The following OLA1 variants were observed in gnomAD, a reference collection of about 807,000 sequenced individuals.
The protein encoded by OLA1 is obg-like ATPase 1.
In OLA1, 14 loss-of-function variants were observed where a neutral mutation model predicts 48.4. The ratio of observed to expected loss-of-function variants is 0.29; its 90% CI spans 0.19 to 0.45. The LOEUF (loss-of-function observed/expected upper bound fraction) is 0.45, where lower values mean the gene tolerates loss of function less well. Ranked by LOEUF, OLA1 falls within the 20% of genes least tolerant of loss-of-function variation. The pLI is 1.00. For missense variants in OLA1, 325 were observed against 467.1 expected, an observed-to-expected ratio of 0.70 and a Z score of 2.80; for synonymous variants, 127 against 150.4, an observed-to-expected ratio of 0.84 and a Z score of 1.14.
rs573128899 is a variant in OLA1 at position 174,189,062 on chromosome 2, A to G, written c.373+33971T>C. Among the ~76,000 whole-genome samples the G allele has an allele frequency of 3.9e-5, 6 of 152,328 alleles. No individual in the cohort carries two copies. In the South Asian group the frequency reaches 1.2e-3, roughly 32 times the overall value. On this transcript the variant is annotated intron_variant, in intron 4 of 10. Coordinates refer to ENST00000284719, the MANE Select transcript of OLA1 (RefSeq NM_013341.5). ...CTGAAATGGCCTAAATACTCATAGG[A>G]ATCTAGCATATGATAAAAGCAGCTC...
chr2:174,133,587 C>T (rs1686233973), intron 5 of OLA1, among the ~76,000 whole-genome samples: 1 of 152,138 alleles, frequency 6.6e-6, no homozygotes, highest in South Asian at 2.1e-4. Context: ...CTCAAGCAAT[C>T]CACCCCCTCA....
At chr2:174,166,568 G>A (rs946945067) in intron 4 of OLA1, among the ~76,000 whole-genome samples, 1 of 152,074 alleles carries the variant, frequency 6.6e-6, no homozygotes, top group Non-Finnish European at 1.5e-5. Context: ...TACTTGAATG[G>A]GTCTCTGATT....
intron 4 of OLA1, among the ~76,000 whole-genome samples, chr2:174,147,034 A>G (rs1265294700): frequency 1.3e-5 from 2 of 152,140 alleles, no homozygotes; most frequent in African/African-American, 4.8e-5. Flanking sequence ...TGGTCAACCA[A>G]CTGACACCAC....
chr2:174,207,996 C>T (rs1688155902), intron 4 of OLA1, among the ~76,000 whole-genome samples: 1 of 152,110 alleles, frequency 6.6e-6, no homozygotes, highest in Admixed American at 6.6e-5. Context: ...CGAGGGATGA[C>T]TGTAATGCAT....
chr2:174,106,419 T>G (rs979822294), intron 7 of OLA1, among the ~76,000 whole-genome samples: 3 of 152,118 alleles, frequency 2.0e-5, no homozygotes, highest in Non-Finnish European at 4.4e-5. Flanking sequence ...ACCCGATCAT[T>G]CTTTTCATGG....
At chr2:174,210,801 T>C (rs1358997196) in intron 4 of OLA1, among the ~76,000 whole-genome samples, 1 of 152,174 alleles carries the variant, frequency 6.6e-6, no homozygotes, top group Non-Finnish European at 1.5e-5. Context: ...CTGCATATAT[T>C]AAAACAACTG....
chr2:174,203,630 C>T (rs10497413), intron 4 of OLA1, among the ~76,000 whole-genome samples: 81,768 of 151,604 alleles, frequency 0.54, 22,665 homozygotes, highest in East Asian at 0.95. Flanking sequence ...GTTCTATTCT[C>T]GGGACTTCTC....
At chr2:174,206,859 T>G (rs1057457057) in intron 4 of OLA1, among the ~76,000 whole-genome samples, 2 of 152,142 alleles carry the variant, frequency 1.3e-5, no homozygotes, top group Non-Finnish European at 2.9e-5. Context: ...GTCAGATTGT[T>G]TACTGCAATC....
At chr2:174,223,890 T>A (rs1688559772) in intron 3 of OLA1, among the ~76,000 whole-genome samples, 1 of 150,906 alleles carries the variant, frequency 6.6e-6, no homozygotes, top group African/African-American at 2.4e-5. Flanking sequence ...CTTTGCTAAA[T>A]AAAGGCACAT....
chr2:174,119,985 C>T lies in OLA1; in HGVS notation c.728+3195G>A, dbSNP rs150249286. On this transcript the variant is annotated intron_variant, in intron 7 of 10. Coordinates refer to ENST00000284719, the MANE Select transcript of OLA1 (RefSeq NM_013341.5). ...CACACACACACACACACACAGTCTG[C>T]GTATCTAAAAGTTTAGTTATATTTT... is the stretch of plus-strand genomic sequence containing the variant. Among the ~76,000 whole-genome samples, 644 of 151,022 alleles carry T rather than the reference C, an allele frequency of 4.3e-3. 10 individuals carry two copies. The Middle Eastern group carries it at 0.058, about 14-fold the overall frequency.
chr2:174,164,966 C>T (rs908679654), intron 4 of OLA1, among the ~76,000 whole-genome samples: 4 of 152,122 alleles, frequency 2.6e-5, no homozygotes, highest in Non-Finnish European at 5.9e-5. Flanking sequence ...AGCCATGTTA[C>T]AACCATGAGA....
chr2:174,191,821 T>A (rs1687784231), intron 4 of OLA1, among the ~76,000 whole-genome samples: 1 of 152,184 alleles, frequency 6.6e-6, no homozygotes, highest in African/African-American at 2.4e-5. Context: ...CCGTGCATTA[T>A]CTAAATTCTT....
Position 174,098,377 on chromosome 2 carries a change from T to G in OLA1, c.729-16313A>C, listed in dbSNP as rs1184107999. On this transcript the variant is annotated intron_variant, in intron 7 of 10. Transcript: ENST00000284719. ...GGTCTTATACAAAGTGCCACTGGCT[T>G]AATGGAATATTCTGACATGAGAAAA... Among the ~76,000 whole-genome samples, 5 of 152,314 alleles carry G rather than the reference T, an allele frequency of 3.3e-5. No individual in the cohort carries two copies. The East Asian group carries it at 9.6e-4, about 29-fold the overall frequency.
intron 4 of OLA1, among the ~76,000 whole-genome samples, chr2:174,183,257 C>T (rs1473536944): frequency 1.3e-5 from 2 of 152,114 alleles, no homozygotes; most frequent in Non-Finnish European, 2.9e-5. Context: ...GAAAGTAGGC[C>T]ACTGGCATCA....
At chr2:174,125,270 C>T (rs1686021318) in intron 5 of OLA1, among the ~76,000 whole-genome samples, 1 of 152,140 alleles carries the variant, frequency 6.6e-6, no homozygotes, top group Non-Finnish European at 1.5e-5. Flanking sequence ...GTCACACTGG[C>T]CACCTGCAAA....
At chr2:174,084,639 C>G (rs2105341455) in intron 7 of OLA1, among the ~76,000 whole-genome samples, 1 of 152,234 alleles carries the variant, frequency 6.6e-6, no homozygotes, top group South Asian at 2.1e-4. Context: ...AATCTGAACC[C>G]CATGGGGACC....
intron 7 of OLA1, among the ~76,000 whole-genome samples, chr2:174,087,841 C>T (rs1291005830): frequency 6.6e-6 from 1 of 152,054 alleles, no homozygotes; most frequent in Non-Finnish European, 1.5e-5. Flanking sequence ...TGGGTCAATC[C>T]AATAATAAAG....
intron 7 of OLA1, among the ~76,000 whole-genome samples, chr2:174,096,976 C>T (rs1470103126): frequency 1.3e-5 from 2 of 151,886 alleles, no homozygotes; most frequent in African/African-American, 4.8e-5. Flanking sequence ...GCCAACATGG[C>T]GAAACCCCGT....
chr2:174,238,457 G>A (rs1163289118), intron 2 of OLA1, among the ~76,000 whole-genome samples: 1 of 127,636 alleles, frequency 7.8e-6, no homozygotes, highest in Non-Finnish European at 1.6e-5. Flanking sequence ...CTGTGCCACA[G>A]AACTCCAGCC....
Sources: allele counts gnomAD v4.1 joint callset (sites outside exome capture counted in the v4.1 genomes callset), GRCh38; gene constraint gnomAD v4.1.1; transcripts MANE v1.5; gene names NCBI Gene and HGNC (gene_info 2026-07-23, HGNC 2026-07-21).